Variants in KCNN3 observed in about 807,000 individuals in gnomAD.
The protein encoded by KCNN3 is small conductance calcium-activated potassium channel protein 3.
KCNN3 carries 16 observed loss-of-function variants against 62.9 expected under a neutral mutation model. That is an observed-to-expected ratio of 0.25 (90% CI 0.17 to 0.39). The LOEUF is 0.39. Ranked by LOEUF, KCNN3 falls within the 10% of genes least tolerant of loss-of-function variation. The probability of loss-of-function intolerance (pLI) is 1.00; values close to 1 mark genes in which losing one functional copy is unlikely to be tolerated. For synonymous variants in KCNN3, 370 were observed against 389.2 expected (o/e 0.95, Z 0.58); for missense variants, 599 against 949.4 (o/e 0.63, Z 4.85).
chr1:154,814,051 C>T lies in KCNN3; in HGVS notation c.1029+8038G>A, dbSNP rs142114596. Among the ~76,000 whole-genome samples the T allele has an allele frequency of 4.1e-3, 618 of 152,360 alleles. 6 individuals are homozygous for T. The highest frequency in any genetic ancestry group is 0.014 in the African/African-American group (566 of 41,582). On this transcript the variant is annotated intron_variant, in intron 2 of 7. Coordinates refer to ENST00000271915, the MANE Select transcript of KCNN3 (RefSeq NM_002249.6). The stretch of plus-strand genomic sequence containing the variant: ...GATCCAAGTGAAAAGGTGCTGGGAT[C>T]GAGGTGGGCCTCCCAGAGAGTGGCA...
intron 3 of KCNN3, among the ~76,000 whole-genome samples, chr1:154,766,428 A>ATATATATATATATATATATATATG (rs1352837524): frequency 8.2e-6 from 1 of 121,734 alleles, no homozygotes; most frequent in African/African-American, 2.9e-5. Context: ...ATATATATAT[A>ATATATATATATATATATATATATG]TATATATATA....
At chr1:154,714,339 G>C (rs1339351039) in intron 6 of KCNN3, among the ~76,000 whole-genome samples, 2 of 117,680 alleles carry the variant, frequency 1.7e-5, no homozygotes, top group African/African-American at 6.5e-5. Flanking sequence ...TGTGGTGTTT[G>C]TGTGTGGTGT....
At chr1:154,852,316 A>G (rs4845395) in intron 1 of KCNN3, among the ~76,000 whole-genome samples, 103,697 of 150,650 alleles carry the variant, frequency 0.69, 37,952 homozygotes, top group East Asian at 0.99. Flanking sequence ...GCTATCCCCC[A>G]CCTCAACCTC....
chr1:154,783,082 G>A lies in KCNN3; in HGVS notation c.1030-10689C>T, dbSNP rs76368310. 1.7e-3 allele frequency among the ~76,000 whole-genome samples: 54 copies of A among 31,538 alleles called. No individual in the cohort carries two copies. In the East Asian group the frequency reaches 0.025, roughly 15 times the overall value. The allele number at this position is 31,538 out of a possible 152,430, so 20.7% of individuals were successfully genotyped here. On this transcript the variant is annotated intron_variant, in intron 2 of 7. Coordinates refer to ENST00000271915, the MANE Select transcript of KCNN3 (RefSeq NM_002249.6). ...AAAAAAACTAGCCGGGCGTGGTGGT[G>A]GGCGCCTGTAGTCCCAGCTACTCGG...
chr1:154,844,323 TC>T (rs1364886737), intron 1 of KCNN3, among the ~76,000 whole-genome samples: 4 of 152,248 alleles, frequency 2.6e-5, no homozygotes, highest in Admixed American at 1.3e-4. Context: ...AGATTTTCTG[TC>T]CTTCTTTCAT....
chr1:154,803,618 A>G (rs1650046120), intron 2 of KCNN3, among the ~76,000 whole-genome samples: 1 of 152,184 alleles, frequency 6.6e-6, no homozygotes, highest in African/African-American at 2.4e-5. Flanking sequence ...ACAGTTAGAA[A>G]CCAAGGAGCG....
chr1:154,794,951 T>C (rs555578008), intron 2 of KCNN3, among the ~76,000 whole-genome samples: 1 of 152,340 alleles, frequency 6.6e-6, no homozygotes, highest in South Asian at 2.1e-4. Flanking sequence ...TCCCTGAGGA[T>C]GTCTGCTCTG....
At chr1:154,779,003 T>C (rs1487431245) in intron 2 of KCNN3, among the ~76,000 whole-genome samples, 1 of 152,120 alleles carries the variant, frequency 6.6e-6, no homozygotes, top group African/African-American at 2.4e-5. Context: ...GTTTAAAAAA[T>C]GTCATCGCCA....
At chr1:154,863,116 C>T (rs947649143) in intron 1 of KCNN3, among the ~76,000 whole-genome samples, 3 of 152,188 alleles carry the variant, frequency 2.0e-5, no homozygotes, top group African/African-American at 7.2e-5. Flanking sequence ...ACATCCCGGC[C>T]AGCCCAGCGA....
intron 3 of KCNN3, among the ~76,000 whole-genome samples, chr1:154,751,833 C>A (rs1021429484): frequency 6.6e-6 from 1 of 152,154 alleles, no homozygotes; most frequent in African/African-American, 2.4e-5. Context: ...AAACTAAAAC[C>A]CACCTCTGAC....
intron 3 of KCNN3, among the ~76,000 whole-genome samples, chr1:154,755,729 GAGA>G (rs931901870): frequency 2.7e-5 from 4 of 149,360 alleles, no homozygotes; most frequent in African/African-American, 9.9e-5. Flanking sequence ...GAAGGAAAAG[GAGA>G]AGAAGAAGGC....
chr1:154,836,207 G>C (rs186996960), intron 1 of KCNN3, among the ~76,000 whole-genome samples: 4 of 152,264 alleles, frequency 2.6e-5, no homozygotes, highest in African/African-American at 9.6e-5. Context: ...TTGAGCAGCC[G>C]GAAGAGCAGC....
chr1:154,776,351 C>T (rs1012170485), intron 2 of KCNN3, among the ~76,000 whole-genome samples: 1 of 152,124 alleles, frequency 6.6e-6, no homozygotes, highest in Middle Eastern at 3.2e-3. Flanking sequence ...GCTTTACTCA[C>T]TGCTCTAAAA....
intron 2 of KCNN3, among the ~76,000 whole-genome samples, chr1:154,820,972 A>G (rs1650867550): frequency 6.6e-6 from 1 of 152,222 alleles, no homozygotes; most frequent in African/African-American, 2.4e-5. Context: ...CACCCTGAAA[A>G]TGCCGAGTAA....
rs1271133673 is a variant in KCNN3, at chr1:154,862,515, G to T, written c.933+6517C>A. On this transcript the variant is annotated intron_variant, in intron 1 of 7. Transcript: ENST00000271915. The surrounding 1 kb of genome is among the most constrained non-coding windows in gnomAD (Gnocchi z 4.1). ...TCCTGCTGGCCCTCCAGGGGTGGAAGGTGGGGGTGCTAGGGGCTGTGGAAG... is the reference window on the plus strand; with the variant it reads ...TCCTGCTGGCCCTCCAGGGGTGGAATGTGGGGGTGCTAGGGGCTGTGGAAG... 6.6e-6 allele frequency among the ~76,000 whole-genome samples: 1 copy of T among 152,156 alleles called. No individual in the cohort carries two copies. Among genetic ancestry groups the T allele is most frequent in the African/African-American group, 2.4e-5 (1 of 41,432 alleles).
intron 1 of KCNN3, among the ~76,000 whole-genome samples, chr1:154,825,656 C>T (rs1218988590): frequency 6.6e-6 from 1 of 151,776 alleles, no homozygotes; most frequent in Non-Finnish European, 1.5e-5. Context: ...GCGTGAGCCA[C>T]CGCGCCCAGC....
At chr1:154,713,961 G>A (rs1167220091) in intron 6 of KCNN3, among the ~76,000 whole-genome samples, 1 of 31,356 alleles carries the variant, frequency 3.2e-5, no homozygotes, top group Non-Finnish European at 7.3e-5. Context: ...GCAATGCATG[G>A]TGTGTGTGAT....
Position 154,853,439 on chromosome 1 carries a change from G to A in KCNN3, c.933+15593C>T, listed in dbSNP as rs578066302. 3.9e-5 allele frequency among the ~76,000 whole-genome samples: 6 copies of A among 152,222 alleles called. No individual in the cohort carries two copies. The South Asian group carries it at 8.3e-4, about 21-fold the overall frequency. ...CAGCTTTGACCTCCTGGGCTCAAGC[G>A]ATCCTCCCACCTCAGACTCCCAAGT... On this transcript the variant is annotated intron_variant, in intron 1 of 7. Transcript: ENST00000271915.
intron 3 of KCNN3, among the ~76,000 whole-genome samples, chr1:154,766,517 T>C (rs2101833300): frequency 7.0e-6 from 1 of 143,440 alleles, no homozygotes; most frequent in East Asian, 2.0e-4. Flanking sequence ...AGGTTATAAC[T>C]CAAACCAAAG....
Sources: gnomAD v4.1 joint callset for allele counts (sites outside exome capture counted in the v4.1 genomes callset) on GRCh38, gnomAD v4.1.1 for gene constraint, Gnocchi (gnomAD v3.1) non-coding constraint, MANE v1.5 for transcripts, NCBI Gene and HGNC (gene_info 2026-07-23, HGNC 2026-07-21) for gene names.